Variants in CCL11 observed in about 807,000 individuals in gnomAD.
CCL11 encodes eotaxin.
CCL11 carries 7 observed loss-of-function variants against 7.3 expected under a neutral mutation model. The observed-to-expected ratio is 0.96, with a 90% CI of 0.55 to 1.81. The LOEUF (loss-of-function observed/expected upper bound fraction) is 1.81. Ranked by LOEUF, CCL11 falls within the 40% of genes most tolerant of loss-of-function variation. The pLI is 0.00. For missense variants in CCL11, 132 were observed against 114.2 expected (o/e 1.16, Z -0.71); for synonymous variants, 66 against 45.2 (o/e 1.46, Z -1.84).
Position 34,287,183 on chromosome 17 carries a change from G to A in CCL11, c.164G>A (p.Gly55Asp). The change falls in exon 2 of 3, where the codon GGC (glycine) becomes GAC (aspartate). Residue 55 changes from glycine to aspartate, a missense_variant. By Grantham distance (94) the Gly-to-Asp change is moderately conservative. Transcript: ENST00000305869. ...RLESYRRITS[G>D]KCPQKAVIFK... ...GAGAGCTACAGGAGAATCACCAGTG[G>A]CAAATGTCCCCAGAAAGCTGTGATG... 6.2e-7 allele frequency: 1 copy of A among 1,613,552 alleles called. No homozygotes were observed. Among genetic ancestry groups the A allele is most frequent in the Non-Finnish European group, 8.5e-7 (1 of 1,179,540 alleles).
rs200525298 is a variant in CCL11, at chr17:34,287,687, A to G, written c.291A>G (p.Pro97=). Residue 97 remains proline, a synonymous_variant, in exon 3 of 3, where the codon CCA becomes CCG. Transcript: ENST00000305869. The part of the protein sequence containing the change: ...YLDQKSPTPK[P] Reference sequence around the variant, plus strand: ...ACCAAAAATCTCCAACTCCAAAGCCATAAATAATCACCATTTTTGAAACCA... The same window carrying G: ...ACCAAAAATCTCCAACTCCAAAGCCGTAAATAATCACCATTTTTGAAACCA... 1.9e-6 allele frequency: 3 copies of G among 1,606,432 alleles called. No homozygotes were observed. The highest frequency in any genetic ancestry group is 1.7e-6 in the Non-Finnish European group (2 of 1,173,260).
chr17:34,287,278 C>A, intron 2 of CCL11, 71 bp downstream of exon 2: 1 of 1,113,878 alleles, frequency 9.0e-7, no homozygotes, highest in Non-Finnish European at 1.4e-6. Flanking sequence ...AGAACTGTGT[C>A]ACAGTTGCTG....
Position 34,288,133 on chromosome 17 carries a change from T to G in CCL11, c.*443T>G, listed in dbSNP as rs1908704224. 1 of 152,658 alleles carries G rather than the reference T, an allele frequency of 6.6e-6. No homozygotes were observed. The highest frequency in any genetic ancestry group is 2.4e-5 in the African/African-American group (1 of 41,442). 9.5% of individuals were successfully genotyped at this position (152,658 alleles called of 1,614,324 possible). On this transcript the variant is annotated 3_prime_UTR_variant, in exon 3 of 3. Coordinates refer to ENST00000305869, the MANE Select transcript of CCL11 (RefSeq NM_002986.3). ...AAAGTATGTGCATATTTTATTATAG[T>G]CACTAGTTGTAATTTTTTTGTGGGA...
chr17:34,288,198 C>G lies in CCL11; in HGVS notation c.*508C>G, dbSNP rs2142212922. On this transcript the variant is annotated 3_prime_UTR_variant, in exon 3 of 3. Transcript: ENST00000305869. ...TGAGGGGGACAAAGATGGCTGTGGC[C>G]AAGAGGGGCTTGGTTAAGGGGGTGG... 1 of 152,412 alleles carries G rather than the reference C, an allele frequency of 6.6e-6. No homozygotes were observed. The highest frequency in any genetic ancestry group is 1.9e-4 in the East Asian group (1 of 5,324). The allele number at this position is 152,412 out of a possible 1,614,324, so 9.4% of individuals were successfully genotyped here. A position where few individuals can be genotyped will look rare whatever the true frequency, so the allele number is the denominator to read the frequency against.
At chr17:34,286,117 C>A (rs1908625125) in intron 1 of CCL11, among the ~76,000 whole-genome samples, 1 of 152,178 alleles carries the variant, frequency 6.6e-6, no homozygotes, top group Non-Finnish European at 1.5e-5. Context: ...GCATCCATAC[C>A]CAGCTATCCT....
At position 34,287,127 on chromosome 17, in the gene CCL11, G is replaced by C; in HGVS notation, c.108G>C (p.Leu36=). The part of the protein sequence containing the change: ...ASVPTTCCFN[L]ANRKIPLQRL... ...TCCCAACCACCTGCTGCTTTAACCTGGCCAATAGGAAGATACCCCTTCAGC... is the reference window on the plus strand; with the variant it reads ...TCCCAACCACCTGCTGCTTTAACCTCGCCAATAGGAAGATACCCCTTCAGC... Residue 36 remains leucine (L), a synonymous_variant, in exon 2 of 3, where the codon CTG becomes CTC. Coordinates refer to ENST00000305869, the MANE Select transcript of CCL11 (RefSeq NM_002986.3). 6.2e-7 allele frequency: 1 copy of C among 1,613,662 alleles called. No individual in the cohort carries two copies. The highest frequency in any genetic ancestry group is 8.5e-7 in the Non-Finnish European group (1 of 1,179,850).
intron 2 of CCL11, 123 bp from the exon 3 acceptor site, chr17:34,287,462 C>A: frequency 1.4e-6 from 1 of 712,534 alleles, no homozygotes; most frequent in South Asian, 1.7e-5. Context: ...ACCCAAGAGT[C>A]TCATCCTTCC....
chr17:34,287,806 A>T lies in CCL11; in HGVS notation c.*116A>T, dbSNP rs200374644. 9.3e-6 allele frequency: 3 copies of T among 321,138 alleles called. No homozygotes were observed. The highest frequency in any genetic ancestry group is 5.3e-5 in the Admixed American group (1 of 18,696). The allele number at this position is 321,138 out of a possible 1,614,324, so 19.9% of individuals were successfully genotyped here. A position where few individuals can be genotyped will look rare whatever the true frequency, so the allele number is the denominator to read the frequency against. On this transcript the variant is annotated 3_prime_UTR_variant, in exon 3 of 3. Transcript: ENST00000305869. The stretch of plus-strand genomic sequence containing the variant: ...CAGTCCAAAGGGCATGGGTTTTATT[A>T]TATATATATATTTTTTTTTTTAAAA...
At position 34,288,053 on chromosome 17, in the gene CCL11, G is replaced by A. The variant is rs1415277396; in HGVS notation, c.*363G>A. ...TCAGTATGAAAATGTCATTGTTCTT[G>A]TGAACCCAAAGTGTGACTCATTAAA... On this transcript the variant is annotated 3_prime_UTR_variant, in exon 3 of 3. Transcript: ENST00000305869. 1 of 153,902 alleles carries A rather than the reference G, an allele frequency of 6.5e-6. No homozygotes were observed. Among genetic ancestry groups the A allele is most frequent in the African/African-American group, 2.4e-5 (1 of 41,478 alleles). 9.5% of individuals were successfully genotyped at this position (153,902 alleles called of 1,614,324 possible).
In CCL11 at chr17:34,285,863, C is replaced by T. The variant is rs762114278; in HGVS notation, c.55C>T (p.Pro19Ser). The T allele has an allele frequency of 1.2e-6, 2 of 1,611,992 alleles. No individual in the cohort carries two copies. The highest frequency in any genetic ancestry group is 1.1e-5 in the South Asian group (1 of 90,782). ...GCTGCTCATAGCAGCTGCCTTCAGC[C>T]CCCAGGGGCTCGCTGGGCCAGGTAA... is the stretch of plus-strand genomic sequence containing the variant. ...WLLLIAAAFS[P>S]QGLAGPASVP... The change falls in exon 1 of 3, where the codon CCC becomes TCC. Residue 19 changes from proline (P) to serine (S), a missense_variant. Pro to Ser is a moderately conservative substitution (Grantham distance 74). Coordinates refer to ENST00000305869, the MANE Select transcript of CCL11 (RefSeq NM_002986.3).
intron 1 of CCL11, among the ~76,000 whole-genome samples, chr17:34,286,886 G>C (rs373531734): frequency 3.3e-5 from 5 of 152,186 alleles, no homozygotes; most frequent in Non-Finnish European, 5.9e-5. Flanking sequence ...CTACAGTAAT[G>C]ATGAGTCCTC....
chr17:34,287,688 T>TA lies in CCL11; in HGVS notation c.*1dup, dbSNP rs772904955. The TA allele has an allele frequency of 1.2e-6, 2 of 1,606,158 alleles. No homozygotes were observed. The highest frequency in any genetic ancestry group is 2.2e-5 in the South Asian group (2 of 90,882). ...CCAAAAATCTCCAACTCCAAAGCCA[T>TA]AAATAATCACCATTTTTGAAACCAA... The part of the protein sequence containing the change: ...LDQKSPTPKP[*] The change falls in exon 3 of 3, where the codon TAA becomes TAAA. Residue 98 remains the stop codon, a frameshift_variant and stop_retained_variant. Transcript: ENST00000305869. LOFTEE classifies it high-confidence loss of function.
In CCL11 at chr17:34,287,194, C is replaced by G. The variant is rs769892704; in HGVS notation, c.175C>G (p.Gln59Glu). 6.2e-7 allele frequency: 1 copy of G among 1,612,406 alleles called. No homozygotes were observed. The highest frequency in any genetic ancestry group is 8.5e-7 in the Non-Finnish European group (1 of 1,178,516). The change falls in exon 2 of 3, where the codon CAG (glutamine) becomes GAG (glutamate). Residue 59 changes from glutamine (Q) to glutamate (E), a missense_variant. Coordinates refer to ENST00000305869, the MANE Select transcript of CCL11 (RefSeq NM_002986.3). ...GAGAATCACCAGTGGCAAATGTCCC[C>G]AGAAAGCTGTGATGTAAGTAAATAA... is the stretch of plus-strand genomic sequence containing the variant. ...YRRITSGKCP[Q>E]KAVIFKTKLA...
In CCL11 at chr17:34,287,078, T is replaced by C; in HGVS notation, c.77-18T>C. 1 of 1,573,376 alleles carries C rather than the reference T, an allele frequency of 6.4e-7. No individual in the cohort carries two copies. The highest frequency in any genetic ancestry group is 8.7e-7 in the Non-Finnish European group (1 of 1,143,468). On this transcript the variant is annotated intron_variant, in intron 1 of 2. Transcript: ENST00000305869. Reference sequence around the variant, plus strand: ...GGCTCATTTTTTTCTCTGTTCATTTTTTTTCCCCAAAATTCAGCTTCTGTC... The same window carrying C: ...GGCTCATTTTTTTCTCTGTTCATTTCTTTTCCCCAAAATTCAGCTTCTGTC...
chr17:34,287,817 T>TATA lies in CCL11; in HGVS notation c.*127_*128insATA, dbSNP rs201654151. 9.9e-3 allele frequency: 2,409 copies of TATA among 242,592 alleles called. 15 individuals carry two copies. The highest frequency in any genetic ancestry group is 0.019 in the East Asian group (338 of 17,556). The allele number at this position is 242,592 out of a possible 1,614,324, so 15.0% of individuals were successfully genotyped here. On this transcript the variant is annotated 3_prime_UTR_variant, in exon 3 of 3. Transcript: ENST00000305869. Reference sequence around the variant, plus strand: ...GCATGGGTTTTATTATATATATATATTTTTTTTTTTAAAAAAAAAACGTAT... The same window carrying TATA: ...GCATGGGTTTTATTATATATATATATATATTTTTTTTTTAAAAAAAAAACGTAT...
chr17:34,287,101 G>C lies in CCL11; in HGVS notation c.82G>C (p.Val28Leu), dbSNP rs200721308. The C allele has an allele frequency of 1.1e-5, 17 of 1,612,338 alleles. No individual in the cohort carries two copies. In the African/African-American group the frequency reaches 2.1e-4, roughly 20 times the overall value. The change falls in exon 2 of 3, where the codon GTC (valine) becomes CTC (leucine). Residue 28 changes from valine to leucine, a missense_variant. By Grantham distance (32) the Val-to-Leu change is conservative (BLOSUM62 1). Transcript: ENST00000305869. ...TTTTTTTCCCCAAAATTCAGCTTCTGTCCCAACCACCTGCTGCTTTAACCT... is the reference window on the plus strand; with the variant it reads ...TTTTTTTCCCCAAAATTCAGCTTCTCTCCCAACCACCTGCTGCTTTAACCT... ...SPQGLAGPASVPTTCCFNLAN... is the reference protein window; with the variant it reads ...SPQGLAGPASLPTTCCFNLAN...
Position 34,287,783 on chromosome 17 carries a change from G to A in CCL11, c.*93G>A. On this transcript the variant is annotated 3_prime_UTR_variant, in exon 3 of 3. Coordinates refer to ENST00000305869, the MANE Select transcript of CCL11 (RefSeq NM_002986.3). ...GCATTCTGAGGTAACCTCATTATCA[G>A]TCCAAAGGGCATGGGTTTTATTATA... 2 of 673,528 alleles carry A rather than the reference G, an allele frequency of 3.0e-6. No individual in the cohort carries two copies. Among genetic ancestry groups the A allele is most frequent in the Non-Finnish European group, 5.3e-6 (2 of 375,240 alleles). The allele number at this position is 673,528 out of a possible 1,614,324, so 41.7% of individuals were successfully genotyped here.
rs201263708 is a variant in CCL11 at position 34,287,815 on chromosome 17, TA to T, written c.*126del. The T allele has an allele frequency of 0.011, 3,470 of 307,378 alleles. 63 individuals are homozygous for T. The highest frequency in any genetic ancestry group is 0.085 in the African/African-American group (2,144 of 25,318). The allele number at this position is 307,378 out of a possible 1,614,324, so 19.0% of individuals were successfully genotyped here. ...GGGCATGGGTTTTATTATATATATA[TA>T]TTTTTTTTTTTAAAAAAAAAACGTA... On this transcript the variant is annotated 3_prime_UTR_variant, in exon 3 of 3. Transcript: ENST00000305869.
Position 34,287,183 on chromosome 17 carries a change from GC to G in CCL11, c.165del (p.Lys56AsnfsTer7). 1 of 1,613,552 alleles carries G rather than the reference GC, an allele frequency of 6.2e-7. No individual in the cohort carries two copies. Reference protein sequence around the residue: ...RLESYRRITSGKCPQKAVIFK... With the variant: ...RLESYRRITSXKCPQKAVIFK... Reference sequence around the variant, plus strand: ...GAGAGCTACAGGAGAATCACCAGTGGCAAATGTCCCCAGAAAGCTGTGATGT... The same window carrying G: ...GAGAGCTACAGGAGAATCACCAGTGGAAATGTCCCCAGAAAGCTGTGATGT... On this transcript the variant is annotated frameshift_variant, in exon 2 of 3. Coordinates refer to ENST00000305869, the MANE Select transcript of CCL11 (RefSeq NM_002986.3). LOFTEE classifies it low-confidence loss of function (END_TRUNC).
Sources: gnomAD v4.1 joint callset for allele counts (sites outside exome capture counted in the v4.1 genomes callset) on GRCh38, gnomAD v4.1.1 for gene constraint, MANE v1.5 for transcripts, NCBI Gene and HGNC (gene_info 2026-07-23, HGNC 2026-07-21) for gene names.